EPB41L1: variants seen among roughly 807,000 people sequenced by gnomAD.
The protein encoded by EPB41L1 is band 4.1-like protein 1.
In EPB41L1, 29 loss-of-function variants were observed where a neutral mutation model predicts 97.8. The observed-to-expected ratio is 0.30, with a 90% confidence interval of 0.22 to 0.40. EPB41L1 has a LOEUF of 0.40. Among genes scored for constraint, EPB41L1 ranks in the 10% least tolerant of loss-of-function variants. The probability of loss-of-function intolerance (pLI) is 1.00; values close to 1 mark genes in which losing one functional copy is unlikely to be tolerated. For missense variants in EPB41L1, 812 were observed against 1,162.3 expected (o/e 0.70, Z 4.38); for synonymous variants, 383 against 459.2 (o/e 0.83, Z 2.12).
At chr20:36,178,921 C>T (rs1363530693) in intron 5 of EPB41L1, among the ~76,000 whole-genome samples, 8 of 151,584 alleles carry the variant, frequency 5.3e-5, no homozygotes, top group Non-Finnish European at 8.8e-5. Flanking sequence ...ATTAGCTGGG[C>T]GTGGTGGCGG....
intron 17 of EPB41L1, among the ~76,000 whole-genome samples, chr20:36,218,126 G>A (rs2063550958): frequency 6.6e-6 from 1 of 152,202 alleles, no homozygotes; most frequent in African/African-American, 2.4e-5. Flanking sequence ...AGAGTGGCGT[G>A]CACAGTGTGT....
At chr20:36,144,528 G>T (rs1450018168) in intron 2 of EPB41L1, among the ~76,000 whole-genome samples, 22 of 152,168 alleles carry the variant, frequency 1.4e-4, no homozygotes, top group Non-Finnish European at 2.6e-4. Flanking sequence ...GGGCATCTTT[G>T]CCCAGGACAG....
rs2146347834 is a variant in EPB41L1, at chr20:36,190,903, C to T, written c.1300+106C>T. ...TGAGCAGGAAAATGGTAGATGCATC[C>T]CAAGTTCATCTGCACCAGGCTGGCC... is the stretch of plus-strand genomic sequence containing the variant. On this transcript the variant is annotated intron_variant, in intron 11 of 21. Coordinates refer to ENST00000338074, the MANE Select transcript of EPB41L1 (RefSeq NM_012156.2). The surrounding 1 kb of genome is among the most constrained non-coding windows in gnomAD (Gnocchi z 5.8). The T allele has an allele frequency of 6.9e-7, 1 of 1,443,234 alleles. No individual in the cohort carries two copies. The highest frequency in any genetic ancestry group is 1.9e-5 in the Admixed American group (1 of 51,734). 89.4% of individuals were successfully genotyped at this position (1,443,234 alleles called of 1,614,324 possible). A position where few individuals can be genotyped will look rare whatever the true frequency, so the allele number is the denominator to read the frequency against.
rs150039079 is a variant in EPB41L1, at chr20:36,212,953, C to T, written c.2184+577C>T. ...GCCGTCAGGCATAGGCACAGGCCCA[C>T]GACTTCCAGTCCATTCCCTGCACTC... is the stretch of plus-strand genomic sequence containing the variant. On this transcript the variant is annotated intron_variant, in intron 16 of 21. Transcript: ENST00000338074. The surrounding 1 kb of genome is among the most constrained non-coding windows in gnomAD (Gnocchi z 4.8). 9.8e-5 allele frequency among the ~76,000 whole-genome samples: 15 copies of T among 152,324 alleles called. No homozygotes were observed. The East Asian group carries it at 1.5e-3, about 16-fold the overall frequency.
upstream of EPB41L1, chr20:36,152,591 G>A (rs1007736740): frequency 4.8e-5 from 10 of 208,772 alleles, no homozygotes; most frequent in African/African-American, 1.9e-4. Context: ...GGGAGACTGA[G>A]CCTATTTGGA....
At chr20:36,219,556 T>C (rs569881762) in intron 18 of EPB41L1, among the ~76,000 whole-genome samples, 1 of 152,310 alleles carries the variant, frequency 6.6e-6, no homozygotes, top group African/African-American at 2.4e-5. Flanking sequence ...AATCTTAGCG[T>C]CTAGGAATCT....
chr20:36,096,189 C>T (rs2057825151), intron 1 of EPB41L1, among the ~76,000 whole-genome samples: 1 of 152,138 alleles, frequency 6.6e-6, no homozygotes. Context: ...CAGGAAACAT[C>T]TATTAATTGA....
intron 2 of EPB41L1, among the ~76,000 whole-genome samples, chr20:36,144,341 C>T (rs2059757994): frequency 1.3e-5 from 2 of 152,290 alleles, no homozygotes; most frequent in South Asian, 4.2e-4. Context: ...GAGCCAGGGT[C>T]TAGCTACCTA....
chr20:36,118,313 G>A (rs966928368), intron 2 of EPB41L1, among the ~76,000 whole-genome samples: 13 of 151,372 alleles, frequency 8.6e-5, no homozygotes, highest in African/African-American at 2.2e-4. Flanking sequence ...AGCCAAGATC[G>A]AGCCACTGCA....
Position 36,093,461 on chromosome 20 carries a change from G to C in EPB41L1, c.-65+1849G>C, listed in dbSNP as rs2057725276. On this transcript the variant is annotated intron_variant, in intron 1 of 19. Transcript: ENST00000202028. The surrounding 1 kb of genome is among the most constrained non-coding windows in gnomAD (Gnocchi z 5.4). ...TTCGCACTGCCGGGAGGAAGCGGTG[G>C]GGGCGGCGGTCCAGGCGCCGCCGCC... Among the ~76,000 whole-genome samples the C allele has an allele frequency of 2.0e-5, 3 of 152,060 alleles. No individual in the cohort carries two copies. The highest frequency in any genetic ancestry group is 6.5e-5 in the Admixed American group (1 of 15,294).
chr20:36,229,284 T>G, intron 21 of EPB41L1, 48 bp from the exon 22 acceptor site: 4 of 1,440,962 alleles, frequency 2.8e-6, no homozygotes, highest in Non-Finnish European at 1.9e-6. Context: ...TTCCTTCCTT[T>G]CCCCCCACTC....
intron 2 of EPB41L1, among the ~76,000 whole-genome samples, chr20:36,132,566 G>GC (rs1491546492): frequency 1.8e-5 from 2 of 113,658 alleles, no homozygotes; most frequent in East Asian, 2.7e-4. Flanking sequence ...ATCTTTGTGG[G>GC]CGGGGGGGGG....
At chr20:36,197,193 C>T (rs1032240054) in intron 13 of EPB41L1, among the ~76,000 whole-genome samples, 1 of 152,196 alleles carries the variant, frequency 6.6e-6, no homozygotes, top group East Asian at 1.9e-4. Context: ...GCAATTTTTT[C>T]CTGCCCCTGG....
rs776199434 is a variant in EPB41L1 at position 36,214,357 on chromosome 20, C to T, written c.2185C>T (p.Gln729Ter). 1 of 1,613,688 alleles carries T rather than the reference C, an allele frequency of 6.2e-7. No homozygotes were observed. The highest frequency in any genetic ancestry group is 2.2e-5 in the East Asian group (1 of 44,860). The change falls in exon 17 of 22, where the codon CAG becomes TAG. Residue 729 changes from glutamine to a stop codon, truncating the protein, a stop_gained and splice_region_variant. Coordinates refer to ENST00000338074, the MANE Select transcript of EPB41L1 (RefSeq NM_012156.2). LOFTEE classifies it high-confidence loss of function. ...CTCTAACGACTCCTCCTCTGGTCAG[C>T]AGGTTGATGGGAGTGCCTCAGTGGG... ...TRVSAMDNTQ[Q>*]VDGSASVGRE... is the part of the protein sequence containing the mutation.
At chr20:36,123,190 G>T (rs1364722290) in intron 2 of EPB41L1, among the ~76,000 whole-genome samples, 7 of 152,046 alleles carry the variant, frequency 4.6e-5, no homozygotes, top group Non-Finnish European at 1.5e-5. Flanking sequence ...GAGGGGCAGA[G>T]GTAGAGAACA....
chr20:36,159,786 A>G (rs1218187891), intron 1 of EPB41L1, among the ~76,000 whole-genome samples: 2 of 152,224 alleles, frequency 1.3e-5, no homozygotes, highest in Non-Finnish European at 2.9e-5. Context: ...AGAGGTTCCC[A>G]GTGAGGACCT....
chr20:36,141,548 G>A (rs1343806805), intron 2 of EPB41L1, among the ~76,000 whole-genome samples: 1 of 152,188 alleles, frequency 6.6e-6, no homozygotes, highest in Non-Finnish European at 1.5e-5. Context: ...CCCAAGGGGG[G>A]CTGTGGTTGC....
intron 2 of EPB41L1, among the ~76,000 whole-genome samples, chr20:36,133,150 A>C (rs1313065024): frequency 6.6e-6 from 1 of 152,260 alleles, no homozygotes. Flanking sequence ...CTGTTAGCCC[A>C]GTTGGCCTGG....
At chr20:36,223,042 G>T (rs904296667) in intron 21 of EPB41L1, among the ~76,000 whole-genome samples, 1 of 151,922 alleles carries the variant, frequency 6.6e-6, no homozygotes, top group Non-Finnish European at 1.5e-5. Flanking sequence ...GACCACAGGC[G>T]CCCGCCACTG....
Sources: gnomAD v4.1 joint callset for allele counts (sites outside exome capture counted in the v4.1 genomes callset) on GRCh38, gnomAD v4.1.1 for gene constraint, Gnocchi (gnomAD v3.1) non-coding constraint, MANE v1.5 for transcripts, NCBI Gene and HGNC (gene_info 2026-07-23, HGNC 2026-07-21) for gene names.